Variants in CORO2B observed in about 807,000 individuals in gnomAD.
CORO2B encodes the protein coronin 2B, also known as coronin-2B.
CORO2B carries 26 observed loss-of-function variants against 58.8 expected under a neutral mutation model. The observed-to-expected ratio is 0.44, with a 90% CI of 0.32 to 0.61. The LOEUF is 0.61. CORO2B is among the 20% of genes least tolerant of loss of function. The probability of loss-of-function intolerance (pLI) is 0.04; values close to 1 mark genes in which losing one functional copy is unlikely to be tolerated. For missense variants in CORO2B, 460 were observed against 645.1 expected (o/e 0.71, Z 3.11); for synonymous variants, 242 against 253.8 (o/e 0.95, Z 0.44).
chr15:68,620,235 G>T (rs1438011093), intron 1 of CORO2B, among the ~76,000 whole-genome samples: 5 of 152,120 alleles, frequency 3.3e-5, no homozygotes, highest in Non-Finnish European at 1.5e-5. Flanking sequence ...TTTATTTAAT[G>T]TGTTTTAGGA....
intron 1 of CORO2B, among the ~76,000 whole-genome samples, chr15:68,627,856 C>T (rs902941427): frequency 6.6e-5 from 10 of 152,080 alleles, no homozygotes; most frequent in African/African-American, 1.9e-4. Context: ...CTCATCTCCA[C>T]GCCTCCCTGT....
At chr15:68,631,806 A>G (rs1257593874) in intron 1 of CORO2B, among the ~76,000 whole-genome samples, 1 of 152,218 alleles carries the variant, frequency 6.6e-6, no homozygotes, top group African/African-American at 2.4e-5. Flanking sequence ...TCTTGACATC[A>G]GTAGCTACAC....
upstream of CORO2B, among the ~76,000 whole-genome samples, chr15:68,576,152 CAA>C (rs3985627): frequency 5.1e-4 from 32 of 62,186 alleles, no homozygotes; most frequent in Non-Finnish European, 6.5e-4. Flanking sequence ...GACTACGTCG[CAA>C]AAAAAAAAAA....
Position 68,718,731 on chromosome 15 carries a change from C to T in CORO2B, c.1001C>T (p.Ala334Val). 1.2e-6 allele frequency: 2 copies of T among 1,614,172 alleles called. No homozygotes were observed. The highest frequency in any genetic ancestry group is 1.7e-6 in the Non-Finnish European group (2 of 1,180,026). ...CCCAAGCACGGGCTGGATGTGTCAG[C>T]CTGCGAGGTGTTCCGCTTCTACAAG... ...VMPKHGLDVS[A>V]CEVFRFYKLV... The change falls in exon 9 of 12, where the codon GCC becomes GTC. Residue 334 changes from alanine to valine, a missense_variant. By Grantham distance (64) the Ala-to-Val change is moderately conservative. This residue lies in a region of CORO2B where 352 missense variants were observed against 543.0 expected (regional missense o/e 0.65). Coordinates refer to ENST00000261861, the MANE Select transcript of CORO2B (RefSeq NM_006091.5).
intron 2 of CORO2B, among the ~76,000 whole-genome samples, chr15:68,694,844 G>A (rs1892470776): frequency 6.6e-6 from 1 of 152,160 alleles, no homozygotes; most frequent in South Asian, 2.1e-4. Flanking sequence ...ACTTTTACTT[G>A]ATGCAGGGGC....
At chr15:68,605,028 C>T (rs546788855) in intron 1 of CORO2B, among the ~76,000 whole-genome samples, 6 of 151,792 alleles carry the variant, frequency 4.0e-5, no homozygotes, top group South Asian at 2.1e-4. Context: ...GCAGGAGAAT[C>T]GCTTGAACCT....
chr15:68,695,596 G>A (rs1892491460), intron 3 of CORO2B, among the ~76,000 whole-genome samples: 1 of 152,196 alleles, frequency 6.6e-6, no homozygotes, highest in Admixed American at 6.5e-5. Context: ...CAAGGAGGGA[G>A]GGAGAAAAGG....
chr15:68,531,918 A>C, the CORO2B span, among the ~76,000 whole-genome samples: 1 of 151,860 alleles, frequency 6.6e-6, no homozygotes, highest in Non-Finnish European at 1.5e-5. Context: ...TTTTTGAAGG[A>C]TATTTTTACT....
chr15:68,651,347 A>G (rs1188760407), intron 2 of CORO2B, among the ~76,000 whole-genome samples: 1 of 152,216 alleles, frequency 6.6e-6, no homozygotes, highest in African/African-American at 2.4e-5. Context: ...GGAGGCAGTC[A>G]GGCCCAATGC....
the CORO2B span, among the ~76,000 whole-genome samples, chr15:68,551,447 TCAC>T: frequency 6.6e-6 from 1 of 152,108 alleles, no homozygotes; most frequent in African/African-American, 2.4e-5. Context: ...GAGGCGCAGC[TCAC>T]CACAACTGTT....
chr15:68,539,532 G>A, the CORO2B span, among the ~76,000 whole-genome samples: 14 of 151,882 alleles, frequency 9.2e-5, no homozygotes, highest in East Asian at 1.9e-4. Flanking sequence ...AAAATTAGCC[G>A]GTCGTGGCAG....
At chr15:68,678,768 C>T (rs932130338) in intron 2 of CORO2B, among the ~76,000 whole-genome samples, 1 of 152,224 alleles carries the variant, frequency 6.6e-6, no homozygotes, top group Non-Finnish European at 1.5e-5. Context: ...GCTGCCCACA[C>T]CATGTCCCCT....
chr15:68,569,009 A>T, the CORO2B span, among the ~76,000 whole-genome samples: 10 of 152,014 alleles, frequency 6.6e-5, no homozygotes, highest in African/African-American at 1.5e-4. Flanking sequence ...AAAAGCACAT[A>T]AAAAAAAGAA....
chr15:68,559,341 A>T, the CORO2B span, among the ~76,000 whole-genome samples: 5,601 of 152,128 alleles, frequency 0.037, 144 homozygotes, highest in Middle Eastern at 0.078. This position sits in a 1 kb window ranked among gnomAD's most constrained non-coding sequence, Gnocchi z 4.3. Flanking sequence ...GGACTCTCTC[A>T]TTCCCGGAGA....
chr15:68,530,118 T>C, the CORO2B span, among the ~76,000 whole-genome samples: 38 of 151,740 alleles, frequency 2.5e-4, no homozygotes, highest in African/African-American at 9.2e-4. Context: ...AGGTCAGGAG[T>C]TTGAGACCAT....
chr15:68,668,106 T>G (rs955863609), intron 2 of CORO2B, among the ~76,000 whole-genome samples: 4 of 152,146 alleles, frequency 2.6e-5, no homozygotes, highest in African/African-American at 9.7e-5. Context: ...AGGTATAGCT[T>G]ATACAAAGTC....
chr15:68,590,064 C>T (rs1179529731), intron 1 of CORO2B, among the ~76,000 whole-genome samples: 1 of 152,174 alleles, frequency 6.6e-6, no homozygotes, highest in Non-Finnish European at 1.5e-5. Context: ...TGAGAAGGGC[C>T]GCTGAGTTGG....
chr15:68,608,456 C>T (rs1417812362), intron 1 of CORO2B, among the ~76,000 whole-genome samples: 1 of 152,244 alleles, frequency 6.6e-6, no homozygotes, highest in African/African-American at 2.4e-5. Context: ...CACTGACTGG[C>T]TGGGAGCCCA....
chr15:68,572,126 A>G, the CORO2B span, among the ~76,000 whole-genome samples: 1 of 152,130 alleles, frequency 6.6e-6, no homozygotes, highest in African/African-American at 2.4e-5. Flanking sequence ...CCAGTTCCAG[A>G]GGCCCCACTC....
Sources: allele counts gnomAD v4.1 joint callset (sites outside exome capture counted in the v4.1 genomes callset), GRCh38; gene constraint gnomAD v4.1.1; regional missense constraint gnomAD v4.1.1; non-coding constraint Gnocchi (gnomAD v3.1); transcripts MANE v1.5; gene names NCBI Gene and HGNC (gene_info 2026-07-23, HGNC 2026-07-21).